MGAT5B: variants seen among roughly 807,000 people sequenced by gnomAD.
MGAT5B encodes the protein alpha-1,6-mannosylglycoprotein 6-beta-N-acetylglucosaminyltransferase B.
In MGAT5B, 54 loss-of-function variants were observed where a neutral mutation model predicts 95.1. The observed-to-expected ratio is 0.57, with a 90% CI of 0.46 to 0.71. The LOEUF (loss-of-function observed/expected upper bound fraction) is 0.71, where lower values mean the gene tolerates loss of function less well. Among genes scored for constraint, MGAT5B ranks in the 30% least tolerant of loss-of-function variants. The pLI is 0.00. For missense variants in MGAT5B, 935 were observed against 1,088.6 expected, an observed-to-expected ratio of 0.86 and a Z score of 1.99; for synonymous variants, 464 against 451.0, an observed-to-expected ratio of 1.03 and a Z score of -0.36.
At chr17:76,919,342 G>A (rs893856682) in intron 8 of MGAT5B, among the ~76,000 whole-genome samples, 1 of 152,204 alleles carries the variant, frequency 6.6e-6, no homozygotes, top group Non-Finnish European at 1.5e-5. Flanking sequence ...CGTGACAGCT[G>A]GAGAAGATGG....
chr17:76,903,419 CCTCT>C, intron 5 of MGAT5B, 43 bp downstream of exon 5: 2 of 1,544,364 alleles, frequency 1.3e-6, no homozygotes, highest in Non-Finnish European at 1.8e-6. Flanking sequence ...ACAGCTAGGG[CCTCT>C]CTGTCTGGCC....
intron 15 of MGAT5B, among the ~76,000 whole-genome samples, chr17:76,941,412 G>A (rs535604740): frequency 6.6e-6 from 1 of 152,208 alleles, no homozygotes. Flanking sequence ...GCTCATCTCC[G>A]CAGTGGACAT....
At chr17:76,873,083 T>C (rs1967065665) in intron 2 of MGAT5B, 120 bp downstream of exon 2, 1 of 1,106,368 alleles carries the variant, frequency 9.0e-7, no homozygotes, top group Admixed American at 2.1e-5. Context: ...TGGATGTGAG[T>C]GGAGGGGGCC....
rs376561536 is a variant in MGAT5B at position 76,906,092 on chromosome 17, C to T, written c.930C>T (p.Pro310=). The change falls in exon 8 of 18, where the codon CCC becomes CCT. Residue 310 remains proline (P), a synonymous_variant. Transcript: ENST00000569840. This position sits in a 1 kb window ranked among gnomAD's most constrained non-coding sequence, Gnocchi z 4.6. ...VFSPRVLKGG[P]LGEMVQWADI... ...GCCCTCGGGTCCTGAAGGGCGGGCCCCTAGGGGAGATGGTGCAGTGGGCGG... is the reference window on the plus strand; with the variant it reads ...GCCCTCGGGTCCTGAAGGGCGGGCCTCTAGGGGAGATGGTGCAGTGGGCGG... The T allele has an allele frequency of 2.4e-5, 38 of 1,607,758 alleles. No individual in the cohort carries two copies. In the Admixed American group the frequency reaches 2.4e-4, roughly 10 times the overall value.
chr17:76,913,048 G>A (rs185066139), intron 8 of MGAT5B, among the ~76,000 whole-genome samples: 49 of 152,340 alleles, frequency 3.2e-4, no homozygotes, highest in Admixed American at 2.9e-3. Flanking sequence ...GGGTTTAGTA[G>A]AAAATTAGTT....
chr17:76,921,405 C>A (rs1483479977), intron 8 of MGAT5B, among the ~76,000 whole-genome samples: 1 of 152,246 alleles, frequency 6.6e-6, no homozygotes, highest in Non-Finnish European at 1.5e-5. Flanking sequence ...TTTGACTTCA[C>A]ACTGAGCAGG....
At chr17:76,903,410 C>T (rs774588166) in intron 5 of MGAT5B, 34 bp downstream of exon 5, 1 of 1,566,136 alleles carries the variant, frequency 6.4e-7, no homozygotes, top group Non-Finnish European at 8.7e-7. Context: ...GGGATGTCTA[C>T]AGCTAGGGCC....
chr17:76,902,713 CAATGAA>C, intron 4 of MGAT5B, 43 bp downstream of exon 4: 5 of 711,254 alleles, frequency 7.0e-6, no homozygotes, highest in Non-Finnish European at 9.3e-6. Context: ...CCTAGGGGGC[CAATGAA>C]CTGGGTGCTG....
In MGAT5B at chr17:76,948,939, AC is replaced by A. The variant is rs1194209214; in HGVS notation, c.*108del. Reference sequence around the variant, plus strand: ...GCCCTGGCTGCTTGTCCTCCTCGCAACCCCCCCAGGCCGGAGCTTCCTTCCT... The same window carrying A: ...GCCCTGGCTGCTTGTCCTCCTCGCAACCCCCCAGGCCGGAGCTTCCTTCCT... On this transcript the variant is annotated 3_prime_UTR_variant, in exon 18 of 18. Coordinates refer to ENST00000569840, the MANE Select transcript of MGAT5B (RefSeq NM_001199172.2). The A allele has an allele frequency of 4.4e-5, 57 of 1,292,320 alleles. 3 individuals carry two copies. The highest frequency in any genetic ancestry group is 3.6e-4 in the South Asian group (25 of 68,760). The allele number at this position is 1,292,320 out of a possible 1,614,324, so 80.1% of individuals were successfully genotyped here.
intron 8 of MGAT5B, among the ~76,000 whole-genome samples, chr17:76,921,080 C>G (rs1969110441): frequency 6.6e-6 from 1 of 152,104 alleles, no homozygotes; most frequent in Non-Finnish European, 1.5e-5. Context: ...GGAGGGGTGT[C>G]TCAGGTAAGG....
At chr17:76,873,005 G>A (rs760410713) in intron 2 of MGAT5B, 42 bp downstream of exon 2, 37 of 1,602,000 alleles carry the variant, frequency 2.3e-5, no homozygotes, top group Middle Eastern at 3.8e-4. Flanking sequence ...GAGTGAGGGC[G>A]TTTGTGGGTC....
chr17:76,884,865 G>A (rs976183742), intron 3 of MGAT5B, among the ~76,000 whole-genome samples: 9 of 152,214 alleles, frequency 5.9e-5, no homozygotes, highest in South Asian at 2.1e-4. Context: ...GCTTCCCAAA[G>A]TGCTGGGATT....
At position 76,915,914 on chromosome 17, in the gene MGAT5B, A is replaced by G. The variant is rs116454296; in HGVS notation, c.1026-9052A>G. On this transcript the variant is annotated intron_variant, in intron 8 of 17. Transcript: ENST00000569840. This position sits in a 1 kb window ranked among gnomAD's most constrained non-coding sequence, Gnocchi z 8.7. ...GCCTGGCAGCCAGACACCTGACCCA[A>G]GTTGGCTGGCGGTCAGAACCCTTCC... is the stretch of plus-strand genomic sequence containing the variant. 0.019 allele frequency among the ~76,000 whole-genome samples: 2,910 copies of G among 152,302 alleles called. 97 individuals are homozygous for G. Among genetic ancestry groups the G allele is most frequent in the African/African-American group, 0.064 (2,643 of 41,564 alleles).
intron 3 of MGAT5B, among the ~76,000 whole-genome samples, chr17:76,901,166 T>C (rs1380050051): frequency 1.3e-5 from 2 of 151,886 alleles, no homozygotes; most frequent in Non-Finnish European, 2.9e-5. Flanking sequence ...AGAGGGCGGG[T>C]GGCCATTGAG....
intron 12 of MGAT5B, among the ~76,000 whole-genome samples, chr17:76,936,146 G>A (rs1395805194): frequency 3.3e-5 from 5 of 151,764 alleles, no homozygotes; most frequent in Non-Finnish European, 5.9e-5. Context: ...GGTGGCTCAC[G>A]CCTGTAATCT....
chr17:76,895,854 T>C (rs1362185986), intron 3 of MGAT5B, among the ~76,000 whole-genome samples: 1 of 152,248 alleles, frequency 6.6e-6, no homozygotes, highest in Non-Finnish European at 1.5e-5. Context: ...TTATAATATA[T>C]GAAAATCACA....
chr17:76,919,971 G>T (rs1031164247), intron 8 of MGAT5B, among the ~76,000 whole-genome samples: 11 of 152,160 alleles, frequency 7.2e-5, no homozygotes, highest in African/African-American at 2.7e-4. Context: ...CAGTGCAGGG[G>T]CCAACTCTAA....
intron 8 of MGAT5B, among the ~76,000 whole-genome samples, chr17:76,908,454 A>G (rs1598944039): frequency 6.6e-6 from 1 of 151,770 alleles, no homozygotes; most frequent in East Asian, 1.9e-4. Context: ...TTTAGTGGAG[A>G]CAGGGTTTCA....
In MGAT5B at chr17:76,938,704, G is replaced by A. The variant is rs1969754923; in HGVS notation, c.1584+561G>A. On this transcript the variant is annotated intron_variant, in intron 13 of 17. Transcript: ENST00000569840. This position sits in a 1 kb window ranked among gnomAD's most constrained non-coding sequence, Gnocchi z 4.3. ...CCTCACCCTCTTTTTTATGAGACAGGGTCTTGCTCTGTCACCCACGCTGGA... is the reference window on the plus strand; with the variant it reads ...CCTCACCCTCTTTTTTATGAGACAGAGTCTTGCTCTGTCACCCACGCTGGA... Among the ~76,000 whole-genome samples, 1 of 151,964 alleles carries A rather than the reference G, an allele frequency of 6.6e-6. No individual in the cohort carries two copies. The highest frequency in any genetic ancestry group is 1.5e-5 in the Non-Finnish European group (1 of 67,986).
Sources: gnomAD v4.1 joint callset for allele counts (sites outside exome capture counted in the v4.1 genomes callset) on GRCh38, gnomAD v4.1.1 for gene constraint, Gnocchi (gnomAD v3.1) non-coding constraint, MANE v1.5 for transcripts, NCBI Gene and HGNC (gene_info 2026-07-23, HGNC 2026-07-21) for gene names.